The following PRR33 variants were observed in gnomAD, a reference collection of about 807,000 sequenced individuals.
PRR33 encodes the protein proline rich 33.
In PRR33, 1 loss-of-function variant was observed where a neutral mutation model predicts 0.5. The ratio of observed to expected loss-of-function variants is 2.18; its 90% CI spans 0.77 to 10.34. The LOEUF is 10.34. PRR33 is among the 30% of genes most tolerant of loss of function. PRR33 has a pLI of 0.13. For synonymous variants in PRR33, 226 were observed against 110.0 expected, an observed-to-expected ratio of 2.06 and a Z score of -6.60; for missense variants, 552 against 251.8, an observed-to-expected ratio of 2.19 and a Z score of -8.07.
At chr11:1,893,192 TGATA>T (rs374004625), upstream of PRR33, among the ~76,000 whole-genome samples, 1,917 of 51,812 alleles carry the variant, frequency 0.037, 134 homozygotes, top group African/African-American at 0.12. Context: ...ATGGATGGAT[TGATA>T]GATGGATGGA....
the PRR33 span, among the ~76,000 whole-genome samples, chr11:1,909,221 G>T: frequency 2.0e-5 from 3 of 151,978 alleles, no homozygotes; most frequent in African/African-American, 7.3e-5. Flanking sequence ...AGTTGGGCCT[G>T]GGTACGGCGG....
At chr11:1,890,574 G>A in exon 1 of PRR33, 2 of 708,740 alleles carry the variant, frequency 2.8e-6, no homozygotes, top group South Asian at 3.0e-5. Context: ...CGACGCAGCC[G>A]ATATGAGCAT....
chr11:1,904,899 C>T, the PRR33 span, among the ~76,000 whole-genome samples: 2 of 151,824 alleles, frequency 1.3e-5, no homozygotes, highest in Non-Finnish European at 2.9e-5. Flanking sequence ...CTCCTTTCCC[C>T]GGGCCCTTCC....
exon 1 of PRR33, chr11:1,890,697 G>C (rs1005465573): frequency 1.6e-6 from 1 of 614,712 alleles, no homozygotes. Flanking sequence ...GGGTGTGGAG[G>C]CCTGAGTATT....
chr11:1,890,055 TG>T, the PRR33 span: 7 of 708,388 alleles, frequency 9.9e-6, no homozygotes, highest in African/African-American at 1.2e-4. Flanking sequence ...CTGGGTGACG[TG>T]GGTGCCCCCA....
At chr11:1,896,304 T>C (rs1210808399), upstream of PRR33, among the ~76,000 whole-genome samples, 1 of 152,224 alleles carries the variant, frequency 6.6e-6, no homozygotes, top group Non-Finnish European at 1.5e-5. Context: ...CCCTATTTAT[T>C]CAGGTCTTCT....
the PRR33 span, among the ~76,000 whole-genome samples, chr11:1,911,660 A>G: frequency 6.6e-6 from 1 of 151,450 alleles, no homozygotes; most frequent in Non-Finnish European, 1.5e-5. Context: ...ACCTCAAGTG[A>G]TTCGCCTGCC....
At chr11:1,889,146 C>A in exon 1 of PRR33, 1 of 655,930 alleles carries the variant, frequency 1.5e-6, no homozygotes. Flanking sequence ...CTGGCCACTT[C>A]ACTGGAGCCT....
chr11:1,899,317 A>G, the PRR33 span, among the ~76,000 whole-genome samples: 1 of 152,148 alleles, frequency 6.6e-6, no homozygotes, highest in Admixed American at 6.5e-5. Context: ...TAACGAACCC[A>G]GGGTTCAAAG....
At chr11:1,906,747 T>C in the PRR33 span, among the ~76,000 whole-genome samples, 5 of 152,218 alleles carry the variant, frequency 3.3e-5, no homozygotes, top group African/African-American at 9.6e-5. Context: ...CCTAGGTCCA[T>C]GTGAGCTCCC....
At chr11:1,910,105 C>T in the PRR33 span, among the ~76,000 whole-genome samples, 25 of 152,316 alleles carry the variant, frequency 1.6e-4, no homozygotes, top group Non-Finnish European at 3.2e-4. Context: ...GAATACACGA[C>T]GGTGTACCTG....
the PRR33 span, among the ~76,000 whole-genome samples, chr11:1,915,819 T>C: frequency 5.4e-5 from 8 of 146,876 alleles, no homozygotes; most frequent in African/African-American, 2.0e-4. Flanking sequence ...GATGGATGCA[T>C]GAATGGGTAG....
chr11:1,890,525 G>A, exon 1 of PRR33: 1 of 716,118 alleles, frequency 1.4e-6, no homozygotes, highest in East Asian at 2.7e-5. Flanking sequence ...GGGGTCCAGG[G>A]GTTCCCTGGA....
At chr11:1,911,009 G>C in the PRR33 span, among the ~76,000 whole-genome samples, 1 of 152,170 alleles carries the variant, frequency 6.6e-6, no homozygotes, top group East Asian at 1.9e-4. Context: ...CCTCCCAAAA[G>C]ATGGCTTGTT....
chr11:1,894,269 G>T (rs892333738), upstream of PRR33, among the ~76,000 whole-genome samples: 1 of 149,902 alleles, frequency 6.7e-6, no homozygotes, highest in South Asian at 2.1e-4. Flanking sequence ...GCCTCACTCT[G>T]TTTCCCAGGC....
chr11:1,904,621 G>T, the PRR33 span, among the ~76,000 whole-genome samples: 2 of 151,718 alleles, frequency 1.3e-5, no homozygotes, highest in African/African-American at 2.4e-5. Flanking sequence ...GCTGAGGCAG[G>T]TGGATCACTT....
chr11:1,913,932 C>T, the PRR33 span, among the ~76,000 whole-genome samples: 10 of 152,374 alleles, frequency 6.6e-5, 1 homozygote, highest in South Asian at 1.9e-3. Context: ...GCGTGGGGGA[C>T]GGAGCCCCTG....
chr11:1,915,603 G>A, the PRR33 span, among the ~76,000 whole-genome samples: 4 of 20,738 alleles, frequency 1.9e-4, no homozygotes, highest in Non-Finnish European at 3.5e-4. Flanking sequence ...ATTTGTATGT[G>A]TGTGTGTGCG....
At chr11:1,911,680 C>A in the PRR33 span, among the ~76,000 whole-genome samples, 1 of 151,704 alleles carries the variant, frequency 6.6e-6, no homozygotes, top group Non-Finnish European at 1.5e-5. Flanking sequence ...CTCGGCCTCT[C>A]AAAGTGCTGG....
Sources: allele counts gnomAD v4.1 joint callset (sites outside exome capture counted in the v4.1 genomes callset), GRCh38; gene constraint gnomAD v4.1.1; transcripts MANE v1.5; gene names NCBI Gene and HGNC (gene_info 2026-07-23, HGNC 2026-07-21).